The following TAMALIN variants were observed in gnomAD, a reference collection of about 807,000 sequenced individuals.
The protein encoded by TAMALIN is protein TAMALIN.
In TAMALIN, 9 loss-of-function variants were observed where a neutral mutation model predicts 38.5. That is an observed-to-expected ratio of 0.23 (90% CI 0.14 to 0.41). TAMALIN has a LOEUF of 0.41. TAMALIN is among the 10% of genes least tolerant of loss of function. The pLI, the probability that TAMALIN is intolerant of heterozygous loss-of-function variation, is 1.00. For synonymous variants in TAMALIN, 306 were observed against 256.5 expected (o/e 1.19, Z -1.85); for missense variants, 548 against 554.1 (o/e 0.99, Z 0.11).
chr12:52,013,158 A>G (rs939857667), intron 4 of TAMALIN, among the ~76,000 whole-genome samples: 1 of 148,616 alleles, frequency 6.7e-6, no homozygotes, highest in African/African-American at 2.5e-5. Flanking sequence ...GCTCACTGCA[A>G]GCTCCGCCTC....
At position 52,015,048 on chromosome 12, in the gene TAMALIN, G is replaced by T. The variant is rs1200133966; in HGVS notation, c.1037G>T (p.Gly346Val). The change falls in exon 8 of 8, where the codon GGC (glycine) becomes GTC (valine). Residue 346 changes from glycine (G) to valine (V), a missense_variant. Gly to Val is a moderately radical substitution (Grantham distance 109, BLOSUM62 -3). Coordinates refer to ENST00000293662, the MANE Select transcript of TAMALIN (RefSeq NM_181711.4). The stretch of plus-strand genomic sequence containing the variant: ...GGCCCTGGCGGGGGCGGAGGCGGGG[G>T]CGCGCCGGGCGCGCTCTGGACTGAG... ...CAGPGGGGGG[G>V]APGALWTEAR... The T allele has an allele frequency of 5.1e-6, 7 of 1,365,742 alleles. No homozygotes were observed. The highest frequency in any genetic ancestry group is 1.6e-5 in the South Asian group (1 of 62,756). 84.6% of individuals were successfully genotyped at this position (1,365,742 alleles called of 1,614,324 possible).
intron 4 of TAMALIN, chr12:52,013,367 G>A (rs544401078): frequency 5.3e-5 from 15 of 283,086 alleles, no homozygotes; most frequent in East Asian, 2.6e-4. Context: ...GTGAGCCACC[G>A]CGCCCGGCCG....
intron 1 of TAMALIN, chr12:52,008,368 C>T: frequency 1.0e-6 from 1 of 985,342 alleles, no homozygotes; most frequent in African/African-American, 1.7e-5. Flanking sequence ...TTATCAAGGA[C>T]CCTGAAGAGA....
intron 7 of TAMALIN, 41 bp from the exon 8 acceptor site, chr12:52,014,653 C>T (rs1034950315): frequency 1.3e-5 from 19 of 1,413,628 alleles, no homozygotes; most frequent in Non-Finnish European, 1.8e-5. Context: ...CCACCACGGT[C>T]CAGGCCTGAC....
Position 52,014,221 on chromosome 12 carries a change from T to G in TAMALIN, c.682+20T>G, listed in dbSNP as rs1346530553. On this transcript the variant is annotated intron_variant, in intron 7 of 7. Transcript: ENST00000293662. ...TGCATGGTGAGTAGATCCCGGGGTG[T>G]GAGGGGCCACTTGTTCTGCTACAGA... 1 of 1,579,706 alleles carries G rather than the reference T, an allele frequency of 6.3e-7. No individual in the cohort carries two copies. Among genetic ancestry groups the G allele is most frequent in the South Asian group, 1.2e-5 (1 of 86,752 alleles).
rs755503777 is a variant in TAMALIN, at chr12:52,011,482, C to T, written c.454+341C>T. 2.0e-5 allele frequency: 11 copies of T among 560,164 alleles called. No individual in the cohort carries two copies. Among genetic ancestry groups the T allele is most frequent in the Non-Finnish European group, 3.5e-5 (11 of 313,246 alleles). 34.7% of individuals were successfully genotyped at this position (560,164 alleles called of 1,614,324 possible). ...CAGCAACCCTGGCAGTCAGCATGGGCAGGAGCCAGGGAAGAAGCAACATTC... is the reference window on the plus strand; with the variant it reads ...CAGCAACCCTGGCAGTCAGCATGGGTAGGAGCCAGGGAAGAAGCAACATTC... On this transcript the variant is annotated intron_variant, in intron 4 of 7. Coordinates refer to ENST00000293662, the MANE Select transcript of TAMALIN (RefSeq NM_181711.4). The surrounding 1 kb of genome is among the most constrained non-coding windows in gnomAD (Gnocchi z 5.3).
rs765339007 is a variant in TAMALIN at position 52,007,436 on chromosome 12, C to A, written c.246+171C>A. 2.2e-4 allele frequency: 213 copies of A among 985,144 alleles called. No homozygotes were observed. The highest frequency in any genetic ancestry group is 2.5e-4 in the Non-Finnish European group (207 of 829,866). 61.0% of individuals were successfully genotyped at this position (985,144 alleles called of 1,614,324 possible). A position where few individuals can be genotyped will look rare whatever the true frequency, so the allele number is the denominator to read the frequency against. The stretch of plus-strand genomic sequence containing the variant: ...TCCCCGCTGCTGCGAAGGCCGTGGC[C>A]CTCGCCTGCACACCGCGCCCAGGCT... On this transcript the variant is annotated intron_variant, in intron 1 of 7. Transcript: ENST00000293662. The surrounding 1 kb of genome is among the most constrained non-coding windows in gnomAD (Gnocchi z 6.7).
intron 1 of TAMALIN, chr12:52,008,521 T>C (rs1253911870): frequency 5.1e-6 from 5 of 983,716 alleles, no homozygotes; most frequent in Non-Finnish European, 6.0e-6. Flanking sequence ...TATATGGCAA[T>C]GGAGAGAGAG....
Position 52,008,744 on chromosome 12 carries a change from T to A in TAMALIN, c.247-446T>A. ...GAGAGACCCAACTGGCAGAAGGTCC[T>A]CGGAGCACCTTGATAGGTGAGCCCA... On this transcript the variant is annotated intron_variant, in intron 1 of 7. Coordinates refer to ENST00000293662, the MANE Select transcript of TAMALIN (RefSeq NM_181711.4). The A allele has an allele frequency of 3.0e-6, 3 of 985,404 alleles. No homozygotes were observed. The South Asian group carries it at 1.4e-4, about 46-fold the overall frequency. The allele number at this position is 985,404 out of a possible 1,614,324, so 61.0% of individuals were successfully genotyped here. A position where few individuals can be genotyped will look rare whatever the true frequency, so the allele number is the denominator to read the frequency against.
At chr12:52,010,249 C>A (rs1433514238) in intron 2 of TAMALIN, among the ~76,000 whole-genome samples, 1 of 152,186 alleles carries the variant, frequency 6.6e-6, no homozygotes, top group African/African-American at 2.4e-5. Context: ...TTAACTGTGC[C>A]TCTGGCTGGG....
Position 52,015,377 on chromosome 12 carries a change from C to T in TAMALIN, c.*178C>T. On this transcript the variant is annotated 3_prime_UTR_variant, in exon 8 of 8. Transcript: ENST00000293662. ...TCTGCTGAGGGAGTGGGGGGCCCAG[C>T]CCCTTCTCTTCTCCCCCGCCAAACC... 1.4e-6 allele frequency: 1 copy of T among 736,284 alleles called. No individual in the cohort carries two copies. The allele number at this position is 736,284 out of a possible 1,614,324, so 45.6% of individuals were successfully genotyped here. A position where few individuals can be genotyped will look rare whatever the true frequency, so the allele number is the denominator to read the frequency against.
In TAMALIN at chr12:52,015,198, AGGGGCG is replaced by A. The variant is rs754620705; in HGVS notation, c.*8_*13del. On this transcript the variant is annotated stop_retained_variant and 3_prime_UTR_variant, in exon 8 of 8. Transcript: ENST00000293662. The stretch of plus-strand genomic sequence containing the variant: ...CTGGAGGAGGAGGAGAGCCAGCTGT[AGGGGCG>A]GGGGCGGGCAGGGAGGTATTTATTT... The A allele has an allele frequency of 9.0e-7, 1 of 1,110,818 alleles. No individual in the cohort carries two copies. Among genetic ancestry groups the A allele is most frequent in the Admixed American group, 1.9e-5 (1 of 52,242 alleles). 68.8% of individuals were successfully genotyped at this position (1,110,818 alleles called of 1,614,324 possible).
In TAMALIN at chr12:52,015,088, C is replaced by G. The variant is rs772158859; in HGVS notation, c.1077C>G (p.Ala359=). The G allele has an allele frequency of 8.4e-6, 13 of 1,542,498 alleles. No homozygotes were observed. The highest frequency in any genetic ancestry group is 6.9e-6 in the Non-Finnish European group (8 of 1,152,450). The part of the protein sequence containing the change: ...GALWTEAREQ[A]LCGPGLRKTK... ...TCTGGACTGAGGCTCGCGAGCAGGC[C>G]CTATGCGGCCCCGGCCTGCGCAAAA... Residue 359 remains alanine, a synonymous_variant, in exon 8 of 8, where the codon GCC becomes GCG. Coordinates refer to ENST00000293662, the MANE Select transcript of TAMALIN (RefSeq NM_181711.4).
At chr12:52,012,458 T>G (rs1427246750) in intron 4 of TAMALIN, among the ~76,000 whole-genome samples, 1 of 152,172 alleles carries the variant, frequency 6.6e-6, no homozygotes, top group Admixed American at 6.5e-5. Context: ...TTTGCCTTGT[T>G]GGCCAGGCTG....
At position 52,008,953 on chromosome 12, in the gene TAMALIN, A is replaced by G. The variant is rs144102340; in HGVS notation, c.247-237A>G. Among the ~76,000 whole-genome samples, 482 of 152,340 alleles carry G rather than the reference A, an allele frequency of 3.2e-3. 3 individuals are homozygous for G. Among genetic ancestry groups the G allele is most frequent in the Non-Finnish European group, 5.6e-3 (378 of 68,028 alleles). On this transcript the variant is annotated intron_variant, in intron 1 of 7. Coordinates refer to ENST00000293662, the MANE Select transcript of TAMALIN (RefSeq NM_181711.4). ...TTAGAGGTTCATGGATCTGGAACCCAGGAGGATGGTTGTGTCCCTGCAGTC... is the reference window on the plus strand; with the variant it reads ...TTAGAGGTTCATGGATCTGGAACCCGGGAGGATGGTTGTGTCCCTGCAGTC...
At chr12:52,012,663 T>C (rs1937678232) in intron 4 of TAMALIN, among the ~76,000 whole-genome samples, 1 of 152,194 alleles carries the variant, frequency 6.6e-6, no homozygotes, top group Admixed American at 6.5e-5. Context: ...AGTAGCCAAG[T>C]GGTATACTAC....
Position 52,013,736 on chromosome 12 carries a change from T to A in TAMALIN, c.504T>A (p.His168Gln). Residue 168 changes from histidine (H) to glutamine (Q), a missense_variant, in exon 5 of 8, where the codon CAT becomes CAA. Coordinates refer to ENST00000293662, the MANE Select transcript of TAMALIN (RefSeq NM_181711.4). ...GCCTGAATGTGGAAGGCATCCGGCATCGAGAGATTGTGGACATCATTAAGG... is the reference window on the plus strand; with the variant it reads ...GCCTGAATGTGGAAGGCATCCGGCAACGAGAGATTGTGGACATCATTAAGG... Reference protein sequence around the residue: ...VNGLNVEGIRHREIVDIIKAS... With the variant: ...VNGLNVEGIRQREIVDIIKAS... The A allele has an allele frequency of 6.2e-7, 1 of 1,614,132 alleles. No homozygotes were observed.
At position 52,007,442 on chromosome 12, in the gene TAMALIN, C is replaced by T; in HGVS notation, c.246+177C>T. 1 of 985,270 alleles carries T rather than the reference C, an allele frequency of 1.0e-6. No homozygotes were observed. The highest frequency in any genetic ancestry group is 1.2e-6 in the Non-Finnish European group (1 of 829,870). 61.0% of individuals were successfully genotyped at this position (985,270 alleles called of 1,614,324 possible). A position where few individuals can be genotyped will look rare whatever the true frequency, so the allele number is the denominator to read the frequency against. ...CTGCTGCGAAGGCCGTGGCCCTCGC[C>T]TGCACACCGCGCCCAGGCTCGGTGG... On this transcript the variant is annotated intron_variant, in intron 1 of 7. Coordinates refer to ENST00000293662, the MANE Select transcript of TAMALIN (RefSeq NM_181711.4). This position sits in a 1 kb window ranked among gnomAD's most constrained non-coding sequence, Gnocchi z 6.7.
intron 2 of TAMALIN, among the ~76,000 whole-genome samples, chr12:52,009,798 C>G (rs1942471421): frequency 1.3e-5 from 2 of 152,214 alleles, no homozygotes; most frequent in South Asian, 4.1e-4. Context: ...ATGTCCCATC[C>G]CTGATTTGGG....
Sources: gnomAD v4.1 joint callset for allele counts (sites outside exome capture counted in the v4.1 genomes callset) on GRCh38, gnomAD v4.1.1 for gene constraint, Gnocchi (gnomAD v3.1) non-coding constraint, MANE v1.5 for transcripts, NCBI Gene and HGNC (gene_info 2026-07-23, HGNC 2026-07-21) for gene names.